The following STIM1 variants were observed in gnomAD, a reference collection of about 807,000 sequenced individuals.
STIM1 encodes the protein stromal interaction molecule 1.
STIM1 carries 25 observed loss-of-function variants against 74.7 expected under a neutral mutation model. The observed-to-expected ratio is 0.33, with a 90% confidence interval of 0.24 to 0.47. STIM1 has a LOEUF of 0.47. Among genes scored for constraint, STIM1 ranks in the 20% least tolerant of loss-of-function variants. The pLI is 1.00. For missense variants in STIM1, 728 were observed against 920.8 expected (o/e 0.79, Z 2.71); for synonymous variants, 328 against 348.8 (o/e 0.94, Z 0.66).
chr11:3,906,535 T>G (rs1282249456), intron 1 of STIM1, among the ~76,000 whole-genome samples: 1 of 152,270 alleles, frequency 6.6e-6, no homozygotes, highest in Non-Finnish European at 1.5e-5. Context: ...CGTATTGTTC[T>G]GTGAGGGCTT....
intron 1 of STIM1, among the ~76,000 whole-genome samples, chr11:3,941,630 T>TAGAGAG (rs57282761): frequency 3.6e-4 from 52 of 143,066 alleles, no homozygotes; most frequent in African/African-American, 1.3e-3. Context: ...TATATATATA[T>TAGAGAG]AGAGAGATAG....
chr11:3,924,345 C>A (rs7929967), intron 1 of STIM1, among the ~76,000 whole-genome samples: 35 of 151,282 alleles, frequency 2.3e-4, no homozygotes, highest in African/African-American at 8.1e-4. Flanking sequence ...ACTACAGGCG[C>A]CCACCACCAC....
intron 3 of STIM1, among the ~76,000 whole-genome samples, chr11:4,024,412 T>A (rs1233123781): frequency 6.6e-6 from 1 of 152,186 alleles, no homozygotes; most frequent in Admixed American, 6.5e-5. Flanking sequence ...ACAGACTCTC[T>A]CCTCTTCTAT....
At chr11:3,972,839 A>G in intron 2 of STIM1, 3 of 474,150 alleles carry the variant, frequency 6.3e-6, no homozygotes, top group Non-Finnish European at 1.3e-5. Context: ...GACTGGAACC[A>G]CCATAGCTGC....
chr11:3,989,983 C>T (rs1274961092), intron 2 of STIM1, among the ~76,000 whole-genome samples: 1 of 152,222 alleles, frequency 6.6e-6, no homozygotes, highest in African/African-American at 2.4e-5. Context: ...CAACCATCAC[C>T]TCAGTCAATT....
chr11:3,914,647 G>A (rs893787049), intron 1 of STIM1, among the ~76,000 whole-genome samples: 4 of 152,056 alleles, frequency 2.6e-5, no homozygotes, highest in Non-Finnish European at 4.4e-5. Flanking sequence ...TCACCATATT[G>A]GCCAGGATGG....
intron 2 of STIM1, among the ~76,000 whole-genome samples, chr11:3,980,682 A>AC (rs76233488): frequency 0.062 from 9,059 of 145,716 alleles, 429 homozygotes; most frequent in East Asian, 0.18. Flanking sequence ...AACAACAACA[A>AC]AAAAAAACAA....
intron 5 of STIM1, among the ~76,000 whole-genome samples, chr11:4,066,721 C>T (rs192454445): frequency 6.6e-6 from 1 of 152,232 alleles, no homozygotes; most frequent in Admixed American, 6.6e-5. Context: ...AAGACAGTCC[C>T]TGAGAAATAA....
At chr11:3,872,254 T>C (rs1269179896) in intron 1 of STIM1, among the ~76,000 whole-genome samples, 1 of 152,100 alleles carries the variant, frequency 6.6e-6, no homozygotes, top group South Asian at 2.1e-4. Context: ...GGTTTCACCA[T>C]GTTGGCCAGG....
At chr11:4,031,838 A>G (rs1253258634) in intron 3 of STIM1, among the ~76,000 whole-genome samples, 1 of 152,174 alleles carries the variant, frequency 6.6e-6, no homozygotes, top group Admixed American at 6.5e-5. Flanking sequence ...TCAGTCTTTT[A>G]ACAGTGTCTT....
rs114770055 is a variant in STIM1, at chr11:4,069,713, A to G, written c.614-313A>G. Reference sequence around the variant, plus strand: ...GCATATGGGCTCATCCAGCCCAGAGATGGCTGGGGCATATTGAGAAGGCAC... The same window carrying G: ...GCATATGGGCTCATCCAGCCCAGAGGTGGCTGGGGCATATTGAGAAGGCAC... On this transcript the variant is annotated intron_variant, in intron 5 of 12. Transcript: ENST00000526596. Among the ~76,000 whole-genome samples, 449 of 152,314 alleles carry G rather than the reference A, an allele frequency of 2.9e-3. 4 individuals are homozygous for G. Among genetic ancestry groups the G allele is most frequent in the African/African-American group, 1.0e-2 (414 of 41,564 alleles).
Position 3,882,327 on chromosome 11 carries a change from G to A in STIM1, c.139+25918G>A, listed in dbSNP as rs927431050. On this transcript the variant is annotated intron_variant, in intron 1 of 12. Transcript: ENST00000526596. Reference sequence around the variant, plus strand: ...TTGGCCAGGCTGGTCTTGAACTCCCGACCTCAGGTGATTCGCCCACCTCAG... The same window carrying A: ...TTGGCCAGGCTGGTCTTGAACTCCCAACCTCAGGTGATTCGCCCACCTCAG... Among the ~76,000 whole-genome samples, 6 of 151,824 alleles carry A rather than the reference G, an allele frequency of 4.0e-5. No homozygotes were observed. The East Asian group carries it at 9.7e-4, about 25-fold the overall frequency.
intron 1 of STIM1, among the ~76,000 whole-genome samples, chr11:3,955,907 A>T (rs1174639003): frequency 6.6e-6 from 1 of 151,738 alleles, no homozygotes; most frequent in Non-Finnish European, 1.5e-5. Flanking sequence ...ATTTTTAAAA[A>T]TTTTAATTAA....
chr11:3,879,522 C>G (rs1455770055), intron 1 of STIM1, among the ~76,000 whole-genome samples: 1 of 152,204 alleles, frequency 6.6e-6, no homozygotes, highest in Non-Finnish European at 1.5e-5. Context: ...GGTTTGTGCT[C>G]TGCACTTTAC....
intron 1 of STIM1, among the ~76,000 whole-genome samples, chr11:3,895,207 G>T (rs2092023419): frequency 6.6e-6 from 1 of 152,118 alleles, no homozygotes. Context: ...AACAGGGCAG[G>T]GGAGCAAGGC....
chr11:4,089,280 G>A (rs944774665), intron 12 of STIM1, among the ~76,000 whole-genome samples: 23 of 152,138 alleles, frequency 1.5e-4, no homozygotes, highest in African/African-American at 5.3e-4. Flanking sequence ...TCTGGTCCAG[G>A]AGAAGTGAGG....
In STIM1 at chr11:4,025,943, T is replaced by G. The variant is rs138697564; in HGVS notation, c.385+1956T>G. On this transcript the variant is annotated intron_variant, in intron 3 of 12. Transcript: ENST00000526596. ...GCTGAGAAATGATATATATGTACCC[T>G]ATTAGAATTTGCTCACTGTGTGTTA... 2.7e-3 allele frequency among the ~76,000 whole-genome samples: 404 copies of G among 152,364 alleles called. 1 individual carries two copies. The highest frequency in any genetic ancestry group is 9.1e-3 in the African/African-American group (377 of 41,592).
At chr11:3,960,174 A>G (rs188924854) in intron 1 of STIM1, among the ~76,000 whole-genome samples, 19 of 152,210 alleles carry the variant, frequency 1.2e-4, no homozygotes, top group African/African-American at 4.3e-4. Context: ...TTCAGGCAGC[A>G]CTATCATTAG....
intron 2 of STIM1, among the ~76,000 whole-genome samples, chr11:4,000,570 C>T (rs560251732): frequency 1.3e-5 from 2 of 150,956 alleles, no homozygotes; most frequent in East Asian, 1.9e-4. Flanking sequence ...GACATCCACA[C>T]CAAAAACCCA....
Sources: gnomAD v4.1 joint callset for allele counts (sites outside exome capture counted in the v4.1 genomes callset) on GRCh38, gnomAD v4.1.1 for gene constraint, MANE v1.5 for transcripts, NCBI Gene and HGNC (gene_info 2026-07-23, HGNC 2026-07-21) for gene names.